Variants in WDR7 observed in about 807,000 individuals in gnomAD.
The protein encoded by WDR7 is WD repeat-containing protein 7.
In WDR7, 46 loss-of-function variants were observed where a neutral mutation model predicts 169.4. The ratio of observed to expected loss-of-function variants is 0.27; its 90% CI spans 0.21 to 0.35. The LOEUF (loss-of-function observed/expected upper bound fraction) is 0.35, where lower values mean the gene tolerates loss of function less well. Among genes scored for constraint, WDR7 ranks in the 10% least tolerant of loss-of-function variants. WDR7 has a pLI of 1.00. For synonymous variants in WDR7, 612 were observed against 666.8 expected (o/e 0.92, Z 1.27); for missense variants, 1,534 against 1,859.3 (o/e 0.83, Z 3.22).
At chr18:56,709,944 T>G (rs952126524) in intron 12 of WDR7, among the ~76,000 whole-genome samples, 2 of 151,162 alleles carry the variant, frequency 1.3e-5, no homozygotes, top group Non-Finnish European at 2.9e-5. Flanking sequence ...ACTAAGAAGG[T>G]AAAAGGTCAC....
intron 20 of WDR7, among the ~76,000 whole-genome samples, chr18:56,828,688 G>T (rs1485669991): frequency 6.6e-6 from 1 of 152,122 alleles, no homozygotes; most frequent in Non-Finnish European, 1.5e-5. Flanking sequence ...TCTCATACTT[G>T]CAAAGGATGG....
At chr18:56,897,182 A>G (rs907987577) in intron 21 of WDR7, among the ~76,000 whole-genome samples, 3 of 151,950 alleles carry the variant, frequency 2.0e-5, no homozygotes, top group Non-Finnish European at 4.4e-5. Flanking sequence ...TGGAACAACC[A>G]GAACTCTTTT....
intron 21 of WDR7, among the ~76,000 whole-genome samples, chr18:56,888,108 G>C: frequency 6.6e-6 from 1 of 152,140 alleles, no homozygotes; most frequent in East Asian, 1.9e-4. Context: ...CCTTCCTCCT[G>C]AAGCATTCTG....
At chr18:57,021,605 T>A (rs1014575971) in intron 27 of WDR7, among the ~76,000 whole-genome samples, 4 of 152,216 alleles carry the variant, frequency 2.6e-5, no homozygotes, top group African/African-American at 9.7e-5. Flanking sequence ...AAATGAACAT[T>A]AATTTTGAGC....
chr18:56,668,818 A>T (rs926151544), intron 1 of WDR7, among the ~76,000 whole-genome samples: 5 of 152,192 alleles, frequency 3.3e-5, no homozygotes, highest in African/African-American at 1.2e-4. Context: ...CCTGTTGGAA[A>T]GTCCAACCTT....
At chr18:56,812,513 G>C (rs944642306) in intron 19 of WDR7, among the ~76,000 whole-genome samples, 15 of 152,188 alleles carry the variant, frequency 9.9e-5, no homozygotes, top group Admixed American at 9.8e-4. Flanking sequence ...CAATTGCAAA[G>C]GCTGGAATGT....
chr18:56,929,309 C>G (rs1599166281), intron 22 of WDR7, among the ~76,000 whole-genome samples: 3 of 152,086 alleles, frequency 2.0e-5, no homozygotes, highest in Non-Finnish European at 4.4e-5. Context: ...AGATTTTGTA[C>G]CTTCTAGATT....
chr18:57,015,006 T>C (rs890135651), intron 26 of WDR7, among the ~76,000 whole-genome samples: 1 of 152,168 alleles, frequency 6.6e-6, no homozygotes, highest in African/African-American at 2.4e-5. Context: ...TCAACTGCAG[T>C]GTTTTGGATT....
intron 14 of WDR7, among the ~76,000 whole-genome samples, chr18:56,733,411 A>G (rs1464953718): frequency 2.6e-5 from 4 of 152,172 alleles, no homozygotes; most frequent in African/African-American, 7.2e-5. Context: ...GGAGAAATAA[A>G]CCCACCCAAA....
intron 26 of WDR7, among the ~76,000 whole-genome samples, chr18:57,014,735 C>G (rs2048183821): frequency 6.6e-6 from 1 of 151,932 alleles, no homozygotes; most frequent in Non-Finnish European, 1.5e-5. Flanking sequence ...AGATACCATC[C>G]AACTCTAAGA....
chr18:56,810,836 G>T (rs1016173684), intron 19 of WDR7, among the ~76,000 whole-genome samples: 1 of 152,066 alleles, frequency 6.6e-6, no homozygotes, highest in Non-Finnish European at 1.5e-5. Context: ...CAATTCAGTG[G>T]TTTTTTAAGC....
intron 25 of WDR7, among the ~76,000 whole-genome samples, chr18:56,953,259 A>G (rs1423645024): frequency 6.6e-6 from 1 of 152,224 alleles, no homozygotes; most frequent in Non-Finnish European, 1.5e-5. Flanking sequence ...TATTAAAGAG[A>G]TGAAAAATCA....
In WDR7 at chr18:56,757,212, G is replaced by C; in HGVS notation, c.2619G>C (p.Glu873Asp). Residue 873 changes from glutamate to aspartate, a missense_variant, in exon 15 of 28, where the codon GAG (glutamate) becomes GAC (aspartate). By Grantham distance (45) the Glu-to-Asp change is conservative (BLOSUM62 2). Transcript: ENST00000254442. ...TAGGAAGGAAGCTGCCAGCGTCTGAGGGAGTAGGAAAGGGAACTTACGGAG... is the reference window on the plus strand; with the variant it reads ...TAGGAAGGAAGCTGCCAGCGTCTGACGGAGTAGGAAAGGGAACTTACGGAG... ...TEVGRKLPAS[E>D]GVGKGTYGVS... is the part of the protein sequence containing the mutation. 1 of 1,614,120 alleles carries C rather than the reference G, an allele frequency of 6.2e-7. No individual in the cohort carries two copies. Among genetic ancestry groups the C allele is most frequent in the Non-Finnish European group, 8.5e-7 (1 of 1,180,030 alleles).
intron 14 of WDR7, among the ~76,000 whole-genome samples, chr18:56,753,015 A>G (rs187615094): frequency 9.2e-5 from 14 of 152,344 alleles, no homozygotes; most frequent in Non-Finnish European, 1.6e-4. Flanking sequence ...AAGGGTAAGC[A>G]GCAGTATATC....
At chr18:56,748,332 C>T (rs2043736459) in intron 14 of WDR7, among the ~76,000 whole-genome samples, 1 of 152,072 alleles carries the variant, frequency 6.6e-6, no homozygotes, top group Middle Eastern at 3.2e-3. Flanking sequence ...TAACTTGGCC[C>T]TTTGGGAAGA....
intron 9 of WDR7, among the ~76,000 whole-genome samples, chr18:56,693,751 T>A (rs2025633027): frequency 6.6e-6 from 1 of 151,942 alleles, no homozygotes; most frequent in African/African-American, 2.4e-5. Context: ...TTTGTATTTT[T>A]ATTAGAGACA....
intron 19 of WDR7, among the ~76,000 whole-genome samples, chr18:56,814,724 A>C (rs1227159560): frequency 6.6e-6 from 1 of 152,090 alleles, no homozygotes; most frequent in African/African-American, 2.4e-5. Flanking sequence ...TAATTTGTAC[A>C]CTAAACCCCC....
intron 21 of WDR7, among the ~76,000 whole-genome samples, chr18:56,881,637 G>GTCTCTC (rs2046109632): frequency 6.6e-6 from 1 of 152,138 alleles, no homozygotes; most frequent in Admixed American, 6.5e-5. Flanking sequence ...TTGAGACAGA[G>GTCTCTC]TCTCTCTCTG....
chr18:56,973,315 G>C (rs1306344574), intron 26 of WDR7, among the ~76,000 whole-genome samples: 1 of 152,190 alleles, frequency 6.6e-6, no homozygotes, highest in African/African-American at 2.4e-5. Flanking sequence ...CTGAGCAGTT[G>C]TTATAGGCAT....
Sources: allele counts gnomAD v4.1 joint callset (sites outside exome capture counted in the v4.1 genomes callset), GRCh38; gene constraint gnomAD v4.1.1; transcripts MANE v1.5; gene names NCBI Gene and HGNC (gene_info 2026-07-23, HGNC 2026-07-21).